Variants in PARD3B observed in about 807,000 individuals in gnomAD.
The protein encoded by PARD3B is partitioning defective 3 homolog B.
PARD3B carries 103 observed loss-of-function variants against 130.2 expected under a neutral mutation model. That is an observed-to-expected ratio of 0.79 (90% confidence interval 0.67 to 0.93). The LOEUF is 0.93. Ranked by LOEUF, PARD3B falls within the 40% of genes least tolerant of loss-of-function variation. The pLI, the probability that PARD3B is intolerant of heterozygous loss-of-function variation, is 0.00. For synonymous variants in PARD3B, 583 were observed against 553.2 expected, an observed-to-expected ratio of 1.05 and a Z score of -0.76; for missense variants, 1,609 against 1,499.2, an observed-to-expected ratio of 1.07 and a Z score of -1.21.
intron 1 of PARD3B, among the ~76,000 whole-genome samples, chr2:204,592,566 A>G (rs187441836): frequency 7.0e-4 from 107 of 152,318 alleles, no homozygotes; most frequent in South Asian, 8.3e-4. Context: ...GTTTTGTATT[A>G]TACTTTTTAA....
At chr2:204,795,862 T>G (rs2042355272) in intron 2 of PARD3B, among the ~76,000 whole-genome samples, 2 of 152,188 alleles carry the variant, frequency 1.3e-5, no homozygotes. Flanking sequence ...CCCTTAAAAT[T>G]CCCTTATTTT....
intron 1 of PARD3B, among the ~76,000 whole-genome samples, chr2:204,647,291 T>C (rs996143150): frequency 6.6e-6 from 1 of 151,958 alleles, no homozygotes; most frequent in Non-Finnish European, 1.5e-5. Context: ...GGGTTGTCTG[T>C]TGTTCATTTT....
At chr2:205,399,034 T>C (rs150632702) in intron 18 of PARD3B, among the ~76,000 whole-genome samples, 3,805 of 152,012 alleles carry the variant, frequency 0.025, 145 homozygotes, top group African/African-American at 0.085. Flanking sequence ...TTTGGGAGGC[T>C]AAGGAGGGCA....
At chr2:205,565,008 C>A (rs2053271144) in intron 22 of PARD3B, among the ~76,000 whole-genome samples, 1 of 152,156 alleles carries the variant, frequency 6.6e-6, no homozygotes, top group African/African-American at 2.4e-5. Flanking sequence ...CCTGGCAATT[C>A]TCACGCGCCA....
Position 205,121,481 on chromosome 2 carries a change from C to A in PARD3B, c.807-110C>A. 1.1e-6 allele frequency: 1 copy of A among 894,822 alleles called. No individual in the cohort carries two copies. Among genetic ancestry groups the A allele is most frequent in the Admixed American group, 2.2e-5 (1 of 45,162 alleles). The allele number at this position is 894,822 out of a possible 1,614,324, so 55.4% of individuals were successfully genotyped here. A position where few individuals can be genotyped will look rare whatever the true frequency, so the allele number is the denominator to read the frequency against. On this transcript the variant is annotated intron_variant, in intron 7 of 22. Coordinates refer to ENST00000406610, the MANE Select transcript of PARD3B (RefSeq NM_001302769.2). This position sits in a 1 kb window ranked among gnomAD's most constrained non-coding sequence, Gnocchi z 5.0. ...ATTCTGATAGGAATATTGATCGTGT[C>A]TCCTATGATTAGCCACTGTGCTGCT...
At chr2:205,390,732 A>G (rs75098164) in intron 18 of PARD3B, among the ~76,000 whole-genome samples, 2,793 of 152,314 alleles carry the variant, frequency 0.018, 84 homozygotes, top group African/African-American at 0.063. Context: ...TATAAAAAAA[A>G]AAATCATTTC....
At chr2:204,609,614 T>C (rs73059006) in intron 1 of PARD3B, among the ~76,000 whole-genome samples, 3,197 of 152,270 alleles carry the variant, frequency 0.021, 116 homozygotes, top group East Asian at 0.13. Context: ...GAAAGAGTTA[T>C]GCTTTTTCTA....
In PARD3B at chr2:205,122,026, A is replaced by G. The variant is rs978231503; in HGVS notation, c.1165+77A>G. 7 of 1,198,482 alleles carry G rather than the reference A, an allele frequency of 5.8e-6. No homozygotes were observed. The highest frequency in any genetic ancestry group is 6.9e-6 in the Non-Finnish European group (6 of 864,420). 74.2% of individuals were successfully genotyped at this position (1,198,482 alleles called of 1,614,324 possible). ...TGGTTAAGAGAAATGCATTAAGGCT[A>G]ATTTAGTTAATTCTCCCTTCATTTA... On this transcript the variant is annotated intron_variant, in intron 8 of 22. Coordinates refer to ENST00000406610, the MANE Select transcript of PARD3B (RefSeq NM_001302769.2). This position sits in a 1 kb window ranked among gnomAD's most constrained non-coding sequence, Gnocchi z 4.3.
intron 3 of PARD3B, among the ~76,000 whole-genome samples, chr2:205,026,656 A>T (rs1224510395): frequency 6.6e-6 from 1 of 152,198 alleles, no homozygotes; most frequent in Admixed American, 6.5e-5. Flanking sequence ...CTGAAGGTTT[A>T]TACCCTTTGA....
At chr2:204,804,899 TA>T (rs146799243) in intron 2 of PARD3B, among the ~76,000 whole-genome samples, 4,812 of 152,058 alleles carry the variant, frequency 0.032, 110 homozygotes, top group African/African-American at 0.048. Flanking sequence ...AGTCAATGAA[TA>T]AGGAAATTAA....
rs1696088333 is a variant in PARD3B at position 205,015,629 on chromosome 2, A to C, written c.395-31952A>C. 6.6e-6 allele frequency among the ~76,000 whole-genome samples: 1 copy of C among 152,196 alleles called. No homozygotes were observed. Among genetic ancestry groups the C allele is most frequent in the African/African-American group, 2.4e-5 (1 of 41,444 alleles). Reference sequence around the variant, plus strand: ...ATGAATGAGTAAATTGGAGGATGTAATAAAGGTGGTTGACATCTGCTTTGT... The same window carrying C: ...ATGAATGAGTAAATTGGAGGATGTACTAAAGGTGGTTGACATCTGCTTTGT... On this transcript the variant is annotated intron_variant, in intron 3 of 22. Transcript: ENST00000406610. This position sits in a 1 kb window ranked among gnomAD's most constrained non-coding sequence, Gnocchi z 4.5.
chr2:204,898,278 C>T (rs987174101), intron 2 of PARD3B, among the ~76,000 whole-genome samples: 2 of 151,608 alleles, frequency 1.3e-5, no homozygotes, highest in Non-Finnish European at 2.9e-5. Context: ...GTATCCATCC[C>T]TTGTAGCATT....
chr2:205,579,462 G>C (rs941786374), intron 22 of PARD3B, among the ~76,000 whole-genome samples: 2 of 152,164 alleles, frequency 1.3e-5, no homozygotes, highest in Non-Finnish European at 2.9e-5. Context: ...GACAGGGAAG[G>C]CAGCTGCGGT....
At chr2:204,949,864 T>A (rs1406739968) in intron 2 of PARD3B, among the ~76,000 whole-genome samples, 1 of 152,178 alleles carries the variant, frequency 6.6e-6, no homozygotes. Context: ...TAAAGTTGAC[T>A]TTGATTATTT....
intron 3 of PARD3B, among the ~76,000 whole-genome samples, chr2:205,046,348 G>A (rs1698777999): frequency 6.6e-6 from 1 of 151,796 alleles, no homozygotes; most frequent in Non-Finnish European, 1.5e-5. Context: ...GGATGGAGGT[G>A]GAGGGATGGT....
rs1313559898 is a variant in PARD3B at position 204,664,118 on chromosome 2, C to T, written c.121-22063C>T. ...TACTGTGGCTTGGATATGTTCTAAC[C>T]CCATGACTGTCTAATAGCTTACATA... On this transcript the variant is annotated intron_variant, in intron 1 of 22. Coordinates refer to ENST00000406610, the MANE Select transcript of PARD3B (RefSeq NM_001302769.2). This position sits in a 1 kb window ranked among gnomAD's most constrained non-coding sequence, Gnocchi z 5.2. Among the ~76,000 whole-genome samples the T allele has an allele frequency of 6.6e-6, 1 of 152,080 alleles. No homozygotes were observed. The highest frequency in any genetic ancestry group is 1.5e-5 in the Non-Finnish European group (1 of 68,008).
At chr2:205,387,140 T>G (rs1435658306) in intron 18 of PARD3B, among the ~76,000 whole-genome samples, 1 of 152,168 alleles carries the variant, frequency 6.6e-6, no homozygotes, top group Non-Finnish European at 1.5e-5. Flanking sequence ...ACTATGTGAT[T>G]GGTTCTTAAT....
At chr2:205,062,373 G>A (rs1332261504) in intron 4 of PARD3B, among the ~76,000 whole-genome samples, 1 of 152,116 alleles carries the variant, frequency 6.6e-6, no homozygotes, top group African/African-American at 2.4e-5. Context: ...TCACACACTT[G>A]TTCCTGGACT....
intron 2 of PARD3B, among the ~76,000 whole-genome samples, chr2:204,819,078 A>G (rs1249079457): frequency 6.6e-6 from 1 of 152,228 alleles, no homozygotes; most frequent in Non-Finnish European, 1.5e-5. Flanking sequence ...ACACACACAT[A>G]CACATATATA....
Sources: allele counts gnomAD v4.1 joint callset (sites outside exome capture counted in the v4.1 genomes callset), GRCh38; gene constraint gnomAD v4.1.1; non-coding constraint Gnocchi (gnomAD v3.1); transcripts MANE v1.5; gene names NCBI Gene and HGNC (gene_info 2026-07-23, HGNC 2026-07-21).